Variants in TTC7B observed in about 807,000 individuals in gnomAD.
TTC7B encodes tetratricopeptide repeat protein 7B.
Under a neutral mutation model 106.8 loss-of-function variants are expected in TTC7B, and 28 were observed. The ratio of observed to expected loss-of-function variants is 0.26; its 90% confidence interval spans 0.19 to 0.36. TTC7B has a LOEUF of 0.36. Ranked by LOEUF, TTC7B falls within the 10% of genes least tolerant of loss-of-function variation. The probability of loss-of-function intolerance (pLI) is 1.00; values close to 1 mark genes in which losing one functional copy is unlikely to be tolerated. For missense variants in TTC7B, 862 were observed against 1,076.4 expected (o/e 0.80, Z 2.79); for synonymous variants, 405 against 430.6 (o/e 0.94, Z 0.74).
intron 16 of TTC7B, among the ~76,000 whole-genome samples, chr14:90,615,540 C>G (rs1011121180): frequency 1.3e-5 from 2 of 152,180 alleles, no homozygotes; most frequent in African/African-American, 4.8e-5. Context: ...CATGTAGTTC[C>G]ACCTTCCTCT....
intron 15 of TTC7B, 109 bp downstream of exon 15, chr14:90,643,939 G>T: frequency 7.7e-7 from 1 of 1,303,190 alleles, no homozygotes; most frequent in Non-Finnish European, 1.1e-6. Flanking sequence ...TTATATTATT[G>T]ACTGCCAGGG....
chr14:90,682,786 C>A (rs1314247193), intron 7 of TTC7B, among the ~76,000 whole-genome samples: 1 of 152,202 alleles, frequency 6.6e-6, no homozygotes, highest in Non-Finnish European at 1.5e-5. Context: ...AGCTGGCAGG[C>A]TGGCAAAGGA....
intron 5 of TTC7B, among the ~76,000 whole-genome samples, chr14:90,706,843 G>T (rs993835711): frequency 9.2e-5 from 14 of 152,190 alleles, no homozygotes; most frequent in African/African-American, 2.9e-4. Flanking sequence ...CTAATGGTTC[G>T]GTCACCTTAG....
chr14:90,797,031 G>A (rs1394377343), intron 1 of TTC7B, among the ~76,000 whole-genome samples: 1 of 150,450 alleles, frequency 6.6e-6, no homozygotes, highest in Non-Finnish European at 1.5e-5. Flanking sequence ...TTTTAGTAGA[G>A]ACAATGTTTT....
chr14:90,743,646 A>C (rs1445747645), intron 4 of TTC7B, among the ~76,000 whole-genome samples: 2 of 152,256 alleles, frequency 1.3e-5, no homozygotes, highest in Non-Finnish European at 2.9e-5. Flanking sequence ...ATTGTTATTA[A>C]TAAAAATAAG....
At chr14:90,666,169 T>A (rs985553332) in intron 9 of TTC7B, among the ~76,000 whole-genome samples, 3 of 152,190 alleles carry the variant, frequency 2.0e-5, no homozygotes, top group Non-Finnish European at 2.9e-5. Context: ...AAATTTTTTA[T>A]TGTTGTTGTT....
chr14:90,567,897 G>A (rs1890865477), intron 19 of TTC7B, among the ~76,000 whole-genome samples: 1 of 152,232 alleles, frequency 6.6e-6, no homozygotes, highest in African/African-American at 2.4e-5. Context: ...TGCTGGGAGA[G>A]ACTTCTTACA....
At chr14:90,622,484 C>T (rs1053800722) in intron 15 of TTC7B, among the ~76,000 whole-genome samples, 2 of 150,742 alleles carry the variant, frequency 1.3e-5, no homozygotes, top group Non-Finnish European at 3.0e-5. Flanking sequence ...AATCCCAGCA[C>T]TTTGGGAGCT....
At position 90,537,376 on chromosome 14, in the gene TTC7B, G is replaced by GGGA. The variant is rs1566757016; in HGVS notation, c.*3991_*3992insTCC. ...TATTTTTTTTTTTTTGTAGAGATGG[G>GGGA]GGGGGGGTCTCACCATGTTGCCCAG... On this transcript the variant is annotated 3_prime_UTR_variant, in exon 20 of 20. Transcript: ENST00000328459. 1 of 23,314 alleles carries GGGA rather than the reference G, an allele frequency of 4.3e-5. No individual in the cohort carries two copies. Among genetic ancestry groups the GGGA allele is most frequent in the African/African-American group, 8.4e-5 (1 of 11,972 alleles). 1.4% of individuals were successfully genotyped at this position (23,314 alleles called of 1,614,324 possible).
chr14:90,645,137 A>G (rs775562415), intron 14 of TTC7B: 10 of 152,072 alleles, frequency 6.6e-5, no homozygotes, highest in Non-Finnish European at 1.5e-4. Flanking sequence ...TCTCGCTCCA[A>G]CTCCAGTCCT....
Position 90,578,443 on chromosome 14 carries a change from G to A in TTC7B, c.2108-135C>T. The A allele has an allele frequency of 1.2e-6, 1 of 866,426 alleles. No individual in the cohort carries two copies. Among genetic ancestry groups the A allele is most frequent in the Non-Finnish European group, 1.8e-6 (1 of 549,946 alleles). The allele number at this position is 866,426 out of a possible 1,614,324, so 53.7% of individuals were successfully genotyped here. A position where few individuals can be genotyped will look rare whatever the true frequency, so the allele number is the denominator to read the frequency against. On this transcript the variant is annotated intron_variant, in intron 18 of 19. Transcript: ENST00000328459. This position sits in a 1 kb window ranked among gnomAD's most constrained non-coding sequence, Gnocchi z 4.7. ...GAGCCAGCTGATCCCTGCTCCAAGT[G>A]GAAACAGCTGCCGCTGACAGTCCCT... is the stretch of plus-strand genomic sequence containing the variant.
chr14:90,754,028 T>C (rs1014847888), intron 3 of TTC7B, among the ~76,000 whole-genome samples: 1 of 152,230 alleles, frequency 6.6e-6, no homozygotes, highest in African/African-American at 2.4e-5. Flanking sequence ...AGATAACATG[T>C]ATTGGGTGCT....
In TTC7B at chr14:90,577,100, C is replaced by A. The variant is rs1169966026; in HGVS notation, c.2310+1006G>T. 1.3e-5 allele frequency among the ~76,000 whole-genome samples: 2 copies of A among 152,168 alleles called. No individual in the cohort carries two copies. The highest frequency in any genetic ancestry group is 4.8e-5 in the African/African-American group (2 of 41,436). On this transcript the variant is annotated intron_variant, in intron 19 of 19. Coordinates refer to ENST00000328459, the MANE Select transcript of TTC7B (RefSeq NM_001010854.2). The surrounding 1 kb of genome is among the most constrained non-coding windows in gnomAD (Gnocchi z 5.0). ...CATCTGGTTATGGGTGCTAAGCCTC[C>A]ACGGGTGCGGACACGAAGGGCCCTG...
chr14:90,568,498 C>T, intron 19 of TTC7B, among the ~76,000 whole-genome samples: 1 of 152,194 alleles, frequency 6.6e-6, no homozygotes, highest in East Asian at 1.9e-4. Context: ...GAAATAAACA[C>T]AGCATTCATT....
intron 15 of TTC7B, among the ~76,000 whole-genome samples, chr14:90,641,935 G>A (rs1268455888): frequency 6.6e-5 from 2 of 30,238 alleles, no homozygotes; most frequent in Non-Finnish European, 1.3e-4. Flanking sequence ...GTGTGTGTGC[G>A]TGTGTGTGTG....
At chr14:90,551,626 T>G (rs917370657) in intron 19 of TTC7B, among the ~76,000 whole-genome samples, 2 of 152,186 alleles carry the variant, frequency 1.3e-5, no homozygotes, top group African/African-American at 4.8e-5. Context: ...TTCAAAAATA[T>G]TTTTCTTTTA....
At chr14:90,645,577 A>T (rs1229449589) in intron 14 of TTC7B, among the ~76,000 whole-genome samples, 1 of 152,144 alleles carries the variant, frequency 6.6e-6, no homozygotes, top group Non-Finnish European at 1.5e-5. Flanking sequence ...CACACCCACA[A>T]GGCTCCATTT....
In TTC7B at chr14:90,742,892, C is replaced by T. The variant is rs115863403; in HGVS notation, c.576+1900G>A. 1.5e-3 allele frequency among the ~76,000 whole-genome samples: 225 copies of T among 152,250 alleles called. 1 individual carries two copies. Among genetic ancestry groups the T allele is most frequent in the African/African-American group, 5.2e-3 (217 of 41,546 alleles). ...CTCCTTTCTCCCAGCCGGGAGAAGA[C>T]GGCTCCAAAGTGACAGGGCTGGACA... On this transcript the variant is annotated intron_variant, in intron 4 of 19. Transcript: ENST00000328459. The surrounding 1 kb of genome is among the most constrained non-coding windows in gnomAD (Gnocchi z 4.1).
Position 90,715,680 on chromosome 14 carries a change from C to T in TTC7B, c.698+14395G>A, listed in dbSNP as rs1444732625. Among the ~76,000 whole-genome samples the T allele has an allele frequency of 2.0e-5, 3 of 152,088 alleles. No individual in the cohort carries two copies. The East Asian group carries it at 5.8e-4, about 29-fold the overall frequency. On this transcript the variant is annotated intron_variant, in intron 5 of 19. Coordinates refer to ENST00000328459, the MANE Select transcript of TTC7B (RefSeq NM_001010854.2). ...TCAACAGGAGACCAAGCATGTGAAC[C>T]CAGGAGCAGGATCCAGAGTCAGTGC... is the stretch of plus-strand genomic sequence containing the variant.
Sources: allele counts gnomAD v4.1 joint callset (sites outside exome capture counted in the v4.1 genomes callset), GRCh38; gene constraint gnomAD v4.1.1; non-coding constraint Gnocchi (gnomAD v3.1); transcripts MANE v1.5; gene names NCBI Gene and HGNC (gene_info 2026-07-23, HGNC 2026-07-21).